NOS1: variants seen among roughly 807,000 people sequenced by gnomAD.
NOS1 encodes NOS type I.
NOS1 carries 51 observed loss-of-function variants against 164.5 expected under a neutral mutation model. That is an observed-to-expected ratio of 0.31 (90% CI 0.25 to 0.39). NOS1 has a LOEUF of 0.39. Among genes scored for constraint, NOS1 ranks in the 10% least tolerant of loss-of-function variants. The probability of loss-of-function intolerance (pLI) is 1.00; values close to 1 mark genes in which losing one functional copy is unlikely to be tolerated. For synonymous variants in NOS1, 719 were observed against 745.8 expected (o/e 0.96, Z 0.59); for missense variants, 1,362 against 1,885.6 (o/e 0.72, Z 5.14).
chr12:117,210,401 C>A lies in NOS1; in HGVS notation c.*4908G>T. Reference sequence around the variant, plus strand: ...TTTCTCTCTCCTTGTTGCTTCCTGGCAGTCTCAGACTACATTCCTGATACA... The same window carrying A: ...TTTCTCTCTCCTTGTTGCTTCCTGGAAGTCTCAGACTACATTCCTGATACA... On this transcript the variant is annotated 3_prime_UTR_variant, in exon 29 of 29. Coordinates refer to ENST00000317775, the MANE Select transcript of NOS1 (RefSeq NM_000620.5). 7 of 985,412 alleles carry A rather than the reference C, an allele frequency of 7.1e-6. No individual in the cohort carries two copies. The highest frequency in any genetic ancestry group is 8.4e-6 in the Non-Finnish European group (7 of 829,954). 61.0% of individuals were successfully genotyped at this position (985,412 alleles called of 1,614,324 possible).
rs761801348 is a variant in NOS1 at position 117,225,147 on chromosome 12, G to A, written c.3705-10C>T. ...GTGGAAGCTGGGTGCTCTGGGCAAG[G>A]AAGAGGGGGTCAGAAGTCTTGCAGA... On this transcript the variant is annotated splice_polypyrimidine_tract_variant and intron_variant, in intron 24 of 28. Transcript: ENST00000317775. 1 of 1,607,664 alleles carries A rather than the reference G, an allele frequency of 6.2e-7. No individual in the cohort carries two copies. The highest frequency in any genetic ancestry group is 8.5e-7 in the Non-Finnish European group (1 of 1,176,914).
intron 13 of NOS1, 96 bp downstream of exon 13, chr12:117,263,793 G>C: frequency 1.2e-6 from 1 of 868,770 alleles, no homozygotes; most frequent in Non-Finnish European, 1.9e-6. Context: ...ATTCTGTAGA[G>C]AGGTCAGAGG....
chr12:117,349,842 C>T (rs1876534783), intron 1 of NOS1, among the ~76,000 whole-genome samples: 1 of 152,158 alleles, frequency 6.6e-6, no homozygotes, highest in South Asian at 2.1e-4. Flanking sequence ...CCTGCCTCAG[C>T]CTTCTGAATA....
rs780674841 is a variant in NOS1, at chr12:117,253,643, A to G, written c.2643T>C (p.Asn881=). The stretch of plus-strand genomic sequence containing the variant: ...CCCCTTATCCCCTTGCTCACCTCAC[A>G]TTGGCCAGGGGTCCAGCACTCTCAA... ...DNFESAGPLA[N]VRFSVFGLGS... Residue 881 remains asparagine (N), a synonymous_variant, in exon 17 of 29, where the codon AAT becomes AAC. Transcript: ENST00000317775. The G allele has an allele frequency of 6.8e-6, 11 of 1,611,454 alleles. No homozygotes were observed. Among genetic ancestry groups the G allele is most frequent in the African/African-American group, 1.3e-5 (1 of 74,742 alleles).
chr12:117,269,242 C>T (rs1017186395), intron 10 of NOS1, among the ~76,000 whole-genome samples: 1 of 151,956 alleles, frequency 6.6e-6, no homozygotes, highest in African/African-American at 2.4e-5. Flanking sequence ...AGAGAGTGCT[C>T]TAGGCAGAGG....
rs762998970 is a variant in NOS1 at position 117,208,374 on chromosome 12, G to A, written c.*6935C>T. The A allele has an allele frequency of 1.3e-5, 17 of 1,286,164 alleles. No individual in the cohort carries two copies. The highest frequency in any genetic ancestry group is 1.2e-4 in the South Asian group (10 of 80,946). 79.7% of individuals were successfully genotyped at this position (1,286,164 alleles called of 1,614,324 possible). ...TTGAGAGCTCAGAGGTAGGGGGGAC[G>A]GCCGAGTTTCTGACAGCGTGTGTGT... On this transcript the variant is annotated 3_prime_UTR_variant, in exon 29 of 29. Transcript: ENST00000317775.
intron 12 of NOS1, 32 bp downstream of exon 12, chr12:117,265,282 CTT>C: frequency 6.7e-7 from 1 of 1,500,154 alleles, no homozygotes; most frequent in African/African-American, 1.4e-5. Flanking sequence ...ATACAGGACA[CTT>C]AATATGAAAA....
chr12:117,285,568 T>C (rs1385506286), intron 6 of NOS1, among the ~76,000 whole-genome samples: 1 of 148,530 alleles, frequency 6.7e-6, no homozygotes, highest in Non-Finnish European at 1.5e-5. Flanking sequence ...AGGCACGGCA[T>C]GAAAGTGAAT....
At chr12:117,288,960 CAG>C (rs1872877207) in intron 4 of NOS1, among the ~76,000 whole-genome samples, 1 of 152,144 alleles carries the variant, frequency 6.6e-6, no homozygotes. Context: ...CCAAAATCAA[CAG>C]AGTCTGGACC....
At chr12:117,303,602 G>A (rs959803290) in intron 3 of NOS1, among the ~76,000 whole-genome samples, 1 of 152,096 alleles carries the variant, frequency 6.6e-6, no homozygotes, top group Admixed American at 6.5e-5. Context: ...TCCCAGGTCC[G>A]GCCCCGTCCC....
chr12:117,335,247 T>C (rs1443732978), intron 1 of NOS1, among the ~76,000 whole-genome samples: 1 of 152,106 alleles, frequency 6.6e-6, no homozygotes, highest in Non-Finnish European at 1.5e-5. Flanking sequence ...GGCCCTTCCC[T>C]TGAAATCACA....
intron 1 of NOS1, among the ~76,000 whole-genome samples, chr12:117,344,413 C>A (rs549428637): frequency 3.9e-5 from 6 of 152,302 alleles, no homozygotes; most frequent in African/African-American, 1.4e-4. Context: ...ATATTTTGAG[C>A]ATTTTTATAT....
intron 4 of NOS1, among the ~76,000 whole-genome samples, chr12:117,290,071 A>G (rs2136025198): frequency 6.6e-6 from 1 of 152,320 alleles, no homozygotes; most frequent in South Asian, 2.1e-4. Flanking sequence ...GCTGGAACTT[A>G]AAATGGCAGT....
chr12:117,251,394 G>A (rs1256426143), intron 17 of NOS1, among the ~76,000 whole-genome samples: 1 of 152,048 alleles, frequency 6.6e-6, no homozygotes, highest in Non-Finnish European at 1.5e-5. Context: ...TGGTGGGCCT[G>A]AGGACCTAGA....
rs34406980 is a variant in NOS1, at chr12:117,356,856, A to G, written c.-421+4656T>C. Reference sequence around the variant, plus strand: ...CTGCTCATCATTCTTCCACCTTAAGAATGGGCATGTGAGCAACATAAACAC... The same window carrying G: ...CTGCTCATCATTCTTCCACCTTAAGGATGGGCATGTGAGCAACATAAACAC... On this transcript the variant is annotated intron_variant, in intron 1 of 28. Coordinates refer to ENST00000317775, the MANE Select transcript of NOS1 (RefSeq NM_000620.5). This position sits in a 1 kb window ranked among gnomAD's most constrained non-coding sequence, Gnocchi z 4.2. Among the ~76,000 whole-genome samples the G allele has an allele frequency of 0.031, 4,793 of 152,282 alleles. 96 individuals are homozygous for G. The highest frequency in any genetic ancestry group is 0.07 in the East Asian group (364 of 5,168).
chr12:117,260,645 C>T (rs1324263326), intron 13 of NOS1, 36 bp from the exon 14 acceptor site: 1 of 1,598,310 alleles, frequency 6.3e-7, no homozygotes, highest in South Asian at 1.1e-5. Context: ...AAATGGGCAA[C>T]AGAAAAGGGG....
chr12:117,309,270 C>T, intron 3 of NOS1: 1 of 842,782 alleles, frequency 1.2e-6, no homozygotes. Context: ...TTCCAGATAT[C>T]ACTGCTAGAG....
At chr12:117,309,456 C>T in intron 3 of NOS1, 1 of 853,230 alleles carries the variant, frequency 1.2e-6, no homozygotes, top group Non-Finnish European at 1.4e-6. Flanking sequence ...GGTGCGCTGG[C>T]AGTGAAAGCT....
At chr12:117,309,778 G>A (rs889614059) in intron 3 of NOS1, among the ~76,000 whole-genome samples, 2 of 149,642 alleles carry the variant, frequency 1.3e-5, no homozygotes, top group Non-Finnish European at 3.0e-5. Context: ...TGGAGTTGGC[G>A]AGGCTGTGAA....
Sources: gnomAD v4.1 joint callset for allele counts (sites outside exome capture counted in the v4.1 genomes callset) on GRCh38, gnomAD v4.1.1 for gene constraint, Gnocchi (gnomAD v3.1) non-coding constraint, MANE v1.5 for transcripts, NCBI Gene and HGNC (gene_info 2026-07-23, HGNC 2026-07-21) for gene names.